The following CACNA1B variants were observed in gnomAD, a reference collection of about 807,000 sequenced individuals.
The protein encoded by CACNA1B is calcium voltage-gated channel subunit alpha1 B.
In CACNA1B, 70 loss-of-function variants were observed where a neutral mutation model predicts 247.2. The ratio of observed to expected loss-of-function variants is 0.28; its 90% CI spans 0.23 to 0.35. The LOEUF is 0.35. Among genes scored for constraint, CACNA1B ranks in the 10% least tolerant of loss-of-function variants. The pLI is 1.00. For missense variants in CACNA1B, 2,367 were observed against 3,197.4 expected, an observed-to-expected ratio of 0.74 and a Z score of 6.26; for synonymous variants, 1,231 against 1,294.4, an observed-to-expected ratio of 0.95 and a Z score of 1.05.
rs1958674111 is a variant in CACNA1B at position 138,007,916 on chromosome 9, C to G, written c.2092+1032C>G. 6.6e-6 allele frequency among the ~76,000 whole-genome samples: 1 copy of G among 152,218 alleles called. No homozygotes were observed. The highest frequency in any genetic ancestry group is 1.5e-5 in the Non-Finnish European group (1 of 68,032). ...CCCTCAGTGCCCTTGCAGACTTCAC[C>G]TTCTTTCCTGTCTCCATCTCCCTGG... On this transcript the variant is annotated intron_variant, in intron 16 of 46. Coordinates refer to ENST00000371372, the MANE Select transcript of CACNA1B (RefSeq NM_000718.4). This position sits in a 1 kb window ranked among gnomAD's most constrained non-coding sequence, Gnocchi z 4.1.
chr9:137,997,021 C>A (rs1958508862), intron 15 of CACNA1B, among the ~76,000 whole-genome samples: 1 of 152,170 alleles, frequency 6.6e-6, no homozygotes, highest in Admixed American at 6.5e-5. Flanking sequence ...GATAATTCAA[C>A]ATTAGAAAAC....
At chr9:138,108,622 A>G (rs1030040211) in intron 39 of CACNA1B, among the ~76,000 whole-genome samples, 4 of 152,196 alleles carry the variant, frequency 2.6e-5, no homozygotes, top group Non-Finnish European at 4.4e-5. Flanking sequence ...GATTTTTTTA[A>G]ATCTTCAACA....
chr9:137,911,624 G>C (rs1442079148), intron 3 of CACNA1B, among the ~76,000 whole-genome samples: 1 of 152,062 alleles, frequency 6.6e-6, no homozygotes, highest in African/African-American at 2.4e-5. Flanking sequence ...TCACCATGTT[G>C]GTCAGGCTGG....
At chr9:138,046,858 G>C (rs771069992) in intron 21 of CACNA1B, 46 bp from the exon 22 acceptor site, 1 of 1,588,186 alleles carries the variant, frequency 6.3e-7, no homozygotes, top group Admixed American at 1.7e-5. Flanking sequence ...AAGGGGTGGC[G>C]CGCCCGGCTG....
intron 10 of CACNA1B, among the ~76,000 whole-genome samples, chr9:137,966,320 G>A (rs988350796): frequency 6.6e-6 from 1 of 151,432 alleles, no homozygotes; most frequent in African/African-American, 2.4e-5. Context: ...TGCCTCCCGG[G>A]TTCATGCCAT....
In CACNA1B at chr9:138,105,807, G is replaced by C; in HGVS notation, c.5428G>C (p.Ala1810Pro). Residue 1810 changes from alanine to proline, a missense_variant and splice_region_variant, in exon 39 of 47, where the codon GCT becomes CCT. Transcript: ENST00000371372. Reference sequence around the variant, plus strand: ...GGCACTGGAGATCAAGCTGGCCCCAGGTGAGCAAGGCAGCCTCGGAAGGAG... The same window carrying C: ...GGCACTGGAGATCAAGCTGGCCCCACGTGAGCAAGGCAGCCTCGGAAGGAG... ...RTALEIKLAP[A>P]GTKQHQCDAE... The C allele has an allele frequency of 6.6e-7, 1 of 1,525,728 alleles. No homozygotes were observed. The highest frequency in any genetic ancestry group is 1.2e-5 in the South Asian group (1 of 83,694). The allele number at this position is 1,525,728 out of a possible 1,614,324, so 94.5% of individuals were successfully genotyped here. A position where few individuals can be genotyped will look rare whatever the true frequency, so the allele number is the denominator to read the frequency against.
rs1957384398 is a variant in CACNA1B at position 137,913,958 on chromosome 9, T to TG, written c.622+691dup. Among the ~76,000 whole-genome samples, 1 of 152,230 alleles carries TG rather than the reference T, an allele frequency of 6.6e-6. No individual in the cohort carries two copies. Among genetic ancestry groups the TG allele is most frequent in the Non-Finnish European group, 1.5e-5 (1 of 68,030 alleles). Reference sequence around the variant, plus strand: ...ATGGTTCTGGCCCATATCCAAGTGCTGGGGCCAGACTCGAAGGGGAGGGGT... The same window carrying TG: ...ATGGTTCTGGCCCATATCCAAGTGCTGGGGGCCAGACTCGAAGGGGAGGGGT... On this transcript the variant is annotated intron_variant, in intron 4 of 46. Coordinates refer to ENST00000371372, the MANE Select transcript of CACNA1B (RefSeq NM_000718.4). This position sits in a 1 kb window ranked among gnomAD's most constrained non-coding sequence, Gnocchi z 5.2.
Position 138,102,702 on chromosome 9 carries a change from G to A in CACNA1B, c.5223-9G>A. The A allele has an allele frequency of 6.3e-7, 1 of 1,598,266 alleles. No individual in the cohort carries two copies. Among genetic ancestry groups the A allele is most frequent in the Non-Finnish European group, 8.6e-7 (1 of 1,167,790 alleles). ...ACTGTGCCCTGGCCTCGCTGGGACG[G>A]GTTTCCAGTGGGCGCATCAGTTACA... On this transcript the variant is annotated splice_polypyrimidine_tract_variant and intron_variant, in intron 37 of 46. Coordinates refer to ENST00000371372, the MANE Select transcript of CACNA1B (RefSeq NM_000718.4). This position sits in a 1 kb window ranked among gnomAD's most constrained non-coding sequence, Gnocchi z 5.4.
Position 138,010,750 on chromosome 9 carries a change from G to T in CACNA1B, c.2160+673G>T, listed in dbSNP as rs1958713791. Among the ~76,000 whole-genome samples the T allele has an allele frequency of 6.6e-6, 1 of 152,140 alleles. No individual in the cohort carries two copies. The highest frequency in any genetic ancestry group is 1.5e-5 in the Non-Finnish European group (1 of 68,024). On this transcript the variant is annotated intron_variant, in intron 17 of 46. Coordinates refer to ENST00000371372, the MANE Select transcript of CACNA1B (RefSeq NM_000718.4). The surrounding 1 kb of genome is among the most constrained non-coding windows in gnomAD (Gnocchi z 5.3). ...TATGTGTCACTGTGTGCCCTCTTCT[G>T]CCTGTGCACCATCCCTGGACAGGTG...
At chr9:137,927,123 A>G (rs577534817) in intron 6 of CACNA1B, among the ~76,000 whole-genome samples, 1 of 152,212 alleles carries the variant, frequency 6.6e-6, no homozygotes, top group East Asian at 1.9e-4. Context: ...AATATTGTGA[A>G]GCTTTTGACC....
intron 3 of CACNA1B, among the ~76,000 whole-genome samples, chr9:137,904,771 T>C: frequency 6.6e-6 from 1 of 152,098 alleles, no homozygotes; most frequent in East Asian, 1.9e-4. Flanking sequence ...ACCAAGTTCC[T>C]GGGAGTTTTA....
chr9:138,061,313 A>G (rs1959714322), intron 31 of CACNA1B, among the ~76,000 whole-genome samples: 1 of 152,120 alleles, frequency 6.6e-6, no homozygotes. Context: ...ACCTGTTTGA[A>G]CCAGGGCCTC....
intron 23 of CACNA1B, among the ~76,000 whole-genome samples, chr9:138,048,892 A>G (rs1442935312): frequency 2.6e-5 from 4 of 152,066 alleles, no homozygotes; most frequent in African/African-American, 9.7e-5. Flanking sequence ...TAATTTTTGT[A>G]TGTTTAGTAG....
chr9:137,894,554 G>A (rs953633560), intron 3 of CACNA1B, among the ~76,000 whole-genome samples: 2 of 151,778 alleles, frequency 1.3e-5, no homozygotes, highest in African/African-American at 2.4e-5. Flanking sequence ...GACTGCAGGC[G>A]CCCGCCACCA....
chr9:137,897,032 C>G (rs1407537881), intron 3 of CACNA1B, among the ~76,000 whole-genome samples: 1 of 152,054 alleles, frequency 6.6e-6, no homozygotes, highest in Non-Finnish European at 1.5e-5. Context: ...GGGGCTTTTT[C>G]TTTCCGGTCA....
chr9:138,031,100 CTCT>C (rs1958982611), intron 20 of CACNA1B, among the ~76,000 whole-genome samples: 2 of 151,696 alleles, frequency 1.3e-5, no homozygotes, highest in African/African-American at 2.4e-5. Flanking sequence ...GCTTCTTTTG[CTCT>C]TCTTTTCTAG....
chr9:138,115,290 T>C (rs1961814171), intron 41 of CACNA1B, among the ~76,000 whole-genome samples: 1 of 152,190 alleles, frequency 6.6e-6, no homozygotes, highest in Non-Finnish European at 1.5e-5. Flanking sequence ...AGAGGTGACA[T>C]GGCTTTCCTG....
At position 138,010,666 on chromosome 9, in the gene CACNA1B, C is replaced by T. The variant is rs184484686; in HGVS notation, c.2160+589C>T. The stretch of plus-strand genomic sequence containing the variant: ...CTGCCTTCTGGTTTGGTGTGAACCA[C>T]GCTGCAAACGTCCCACGTGCATGCT... On this transcript the variant is annotated intron_variant, in intron 17 of 46. Transcript: ENST00000371372. The surrounding 1 kb of genome is among the most constrained non-coding windows in gnomAD (Gnocchi z 5.3). Among the ~76,000 whole-genome samples, 10 of 152,266 alleles carry T rather than the reference C, an allele frequency of 6.6e-5. No homozygotes were observed. The highest frequency in any genetic ancestry group is 2.6e-4 in the Admixed American group (4 of 15,304).
chr9:137,926,699 C>G (rs1564193014), intron 6 of CACNA1B, among the ~76,000 whole-genome samples: 1 of 152,204 alleles, frequency 6.6e-6, no homozygotes, highest in Non-Finnish European at 1.5e-5. Context: ...CTCACCAATA[C>G]TTGTTAATTT....
Sources: gnomAD v4.1 joint callset for allele counts (sites outside exome capture counted in the v4.1 genomes callset) on GRCh38, gnomAD v4.1.1 for gene constraint, Gnocchi (gnomAD v3.1) non-coding constraint, MANE v1.5 for transcripts, NCBI Gene and HGNC (gene_info 2026-07-23, HGNC 2026-07-21) for gene names.